Variants in CEP63 observed in about 807,000 individuals in gnomAD.
CEP63 encodes centrosomal protein 63, also known as centrosomal protein of 63 kDa.
CEP63 carries 84 observed loss-of-function variants against 89.1 expected under a neutral mutation model. That is an observed-to-expected ratio of 0.94 (90% CI 0.79 to 1.13). The LOEUF (loss-of-function observed/expected upper bound fraction) is 1.13. Among genes scored for constraint, CEP63 ranks in the 50% most tolerant of loss-of-function variants. The pLI is 0.00. For synonymous variants in CEP63, 267 were observed against 272.5 expected (o/e 0.98, Z 0.20); for missense variants, 838 against 813.3 (o/e 1.03, Z -0.37).
the CEP63 span, among the ~76,000 whole-genome samples, chr3:134,722,140 G>C: frequency 6.6e-6 from 1 of 152,048 alleles, no homozygotes; most frequent in Non-Finnish European, 1.5e-5. Context: ...TTACATATTT[G>C]ATGTCTTTAC....
the CEP63 span, among the ~76,000 whole-genome samples, chr3:134,733,292 C>G: frequency 2.0e-5 from 3 of 151,910 alleles, no homozygotes; most frequent in Non-Finnish European, 4.4e-5. Flanking sequence ...AGCACACATA[C>G]TTGGAAACTT....
the CEP63 span, among the ~76,000 whole-genome samples, chr3:134,779,501 T>C: frequency 5.3e-5 from 8 of 152,342 alleles, no homozygotes; most frequent in Non-Finnish European, 7.3e-5. Flanking sequence ...AATTGCTGAG[T>C]TCTAGGTATA....
rs187937170 is a variant in CEP63, at chr3:134,559,181, A to T, written c.1705A>T (p.Ile569Leu). The T allele has an allele frequency of 1.7e-5, 28 of 1,614,174 alleles. No homozygotes were observed. Among genetic ancestry groups the T allele is most frequent in the African/African-American group, 1.1e-4 (8 of 75,070 alleles). Reference protein sequence around the residue: ...PTHGQHRHDGIKTEHYKTDLH... With the variant: ...PTHGQHRHDGLKTEHYKTDLH... ...CCATGGCCAGCACAGACATGATGGA[A>T]TAAAGACTGAGCACTACAAAACAGA... The change falls in exon 14 of 15, where the codon ATA (isoleucine) becomes TTA (leucine). Residue 569 changes from isoleucine to leucine, a missense_variant. Physicochemically the swap from Ile to Leu is conservative, Grantham distance 5. Transcript: ENST00000675561.
the CEP63 span, chr3:134,607,629 A>G: frequency 1.0e-6 from 1 of 985,656 alleles, no homozygotes; most frequent in South Asian, 4.7e-5. Context: ...GGCATAAGAG[A>G]CAATCTTCCA....
the CEP63 span, among the ~76,000 whole-genome samples, chr3:134,595,866 G>T: frequency 6.6e-6 from 1 of 152,202 alleles, no homozygotes; most frequent in South Asian, 2.1e-4. Flanking sequence ...GAGTTTGAGT[G>T]TTCCCTGGAG....
rs149587249 is a variant in CEP63, at chr3:134,540,004, C to T, written c.555+2736C>T. On this transcript the variant is annotated intron_variant, in intron 6 of 14. Coordinates refer to ENST00000675561, the MANE Select transcript of CEP63 (RefSeq NM_001353108.3). ...TTCATGTACTTTTGATAGGAAAAAC[C>T]TATATGCACTGTGAATGGGAAAGGA... Among the ~76,000 whole-genome samples the T allele has an allele frequency of 4.9e-3, 739 of 152,108 alleles. 4 individuals are homozygous for T. Among genetic ancestry groups the T allele is most frequent in the African/African-American group, 0.017 (712 of 41,506 alleles).
the CEP63 span, among the ~76,000 whole-genome samples, chr3:134,722,626 C>T: frequency 6.6e-6 from 1 of 151,934 alleles, no homozygotes; most frequent in Non-Finnish European, 1.5e-5. Context: ...TCTAGGATGT[C>T]ATTTTTATGT....
intron 5 of CEP63, among the ~76,000 whole-genome samples, chr3:134,534,476 A>G (rs1950415469): frequency 6.6e-6 from 1 of 152,204 alleles, no homozygotes; most frequent in Non-Finnish European, 1.5e-5. Flanking sequence ...CCTTAAAATG[A>G]TTAAATTCTG....
At chr3:134,582,051 T>C (rs1198542111) in intron 10 of CEP63, among the ~76,000 whole-genome samples, 2 of 151,924 alleles carry the variant, frequency 1.3e-5, no homozygotes, top group Non-Finnish European at 2.9e-5. Flanking sequence ...AAAGGAGAGA[T>C]TTAATGATGA....
At chr3:134,610,351 C>T in the CEP63 span, 11 of 1,613,502 alleles carry the variant, frequency 6.8e-6, no homozygotes, top group African/African-American at 1.5e-4. Flanking sequence ...CTTGGAGTAG[C>T]CAGGCACGGT....
At chr3:134,659,877 C>A in the CEP63 span, among the ~76,000 whole-genome samples, 10 of 152,168 alleles carry the variant, frequency 6.6e-5, no homozygotes, top group Non-Finnish European at 1.5e-4. Flanking sequence ...AGGGGGCATG[C>A]GGGAGATTTT....
chr3:134,682,539 C>T, the CEP63 span, among the ~76,000 whole-genome samples: 3 of 152,162 alleles, frequency 2.0e-5, no homozygotes, highest in Non-Finnish European at 1.5e-5. Context: ...ATCGCTACTT[C>T]TGTATCTCTG....
intron 1 of CEP63, chr3:134,486,616 G>T (rs1433591368): frequency 2.2e-6 from 2 of 892,190 alleles, no homozygotes; most frequent in African/African-American, 1.8e-5. Flanking sequence ...TTCCTTTTCA[G>T]CGGAGAGACC....
At chr3:134,699,901 G>T in the CEP63 span, among the ~76,000 whole-genome samples, 1 of 152,274 alleles carries the variant, frequency 6.6e-6, no homozygotes, top group African/African-American at 2.4e-5. Context: ...GCCACTAATT[G>T]TTCCCAGCCC....
the CEP63 span, among the ~76,000 whole-genome samples, chr3:134,706,195 T>C: frequency 1.3e-5 from 2 of 152,160 alleles, no homozygotes; most frequent in Non-Finnish European, 2.9e-5. Flanking sequence ...ACGAAAAATT[T>C]GGTGTGGTAG....
intron 3 of CEP63, among the ~76,000 whole-genome samples, chr3:134,530,508 AT>A (rs1020872891): frequency 2.0e-5 from 3 of 151,970 alleles, no homozygotes; most frequent in African/African-American, 4.8e-5. Flanking sequence ...AAGCCCTTTG[AT>A]TTTTTTGTAA....
chr3:134,568,369 T>A (rs191690482), downstream of CEP63, among the ~76,000 whole-genome samples: 1 of 152,238 alleles, frequency 6.6e-6, no homozygotes, highest in African/African-American at 2.4e-5. Context: ...GGAAGTGTTA[T>A]CTCCCAGTTA....
chr3:134,607,774 C>T, the CEP63 span: 29 of 986,094 alleles, frequency 2.9e-5, no homozygotes, highest in Non-Finnish European at 3.4e-5. Flanking sequence ...CCAGGCCAGC[C>T]ATGGGAGATG....
chr3:134,485,882 G>C, upstream of CEP63: 1 of 606,198 alleles, frequency 1.6e-6, no homozygotes. Context: ...ATAGGGGGAA[G>C]TCCGACACTG....
Sources: gnomAD v4.1 joint callset for allele counts (sites outside exome capture counted in the v4.1 genomes callset) on GRCh38, gnomAD v4.1.1 for gene constraint, MANE v1.5 for transcripts, NCBI Gene and HGNC (gene_info 2026-07-23, HGNC 2026-07-21) for gene names.